LAPTM4B: variants seen among roughly 807,000 people sequenced by gnomAD.
The protein encoded by LAPTM4B is lysosomal-associated transmembrane protein 4B.
Under a neutral mutation model 28.5 loss-of-function variants are expected in LAPTM4B, and 26 were observed. The ratio of observed to expected loss-of-function variants is 0.91; its 90% CI spans 0.67 to 1.27. The LOEUF is 1.27. Ranked by LOEUF, LAPTM4B falls within the 50% of genes most tolerant of loss-of-function variation. The pLI is 0.00. For missense variants in LAPTM4B, 288 were observed against 285.8 expected, an observed-to-expected ratio of 1.01 and a Z score of -0.06; for synonymous variants, 109 against 106.4, an observed-to-expected ratio of 1.02 and a Z score of -0.15.
At chr8:97,789,019 T>G (rs1254835422) in intron 1 of LAPTM4B, among the ~76,000 whole-genome samples, 1 of 150,666 alleles carries the variant, frequency 6.6e-6, no homozygotes, top group Non-Finnish European at 1.5e-5. Context: ...TTGGAAAACA[T>G]CTTCATTTGG....
chr8:97,775,912 G>GGCGGAGGAGCCGGCAGCA lies in LAPTM4B; in HGVS notation c.-93_-76dup. On this transcript the variant is annotated 5_prime_UTR_variant, in exon 1 of 7. Transcript: ENST00000521545. Reference sequence around the variant, plus strand: ...GGGCGAGCGGGCCGGGAGCCGGAGCGGCGGAGGAGCCGGCAGCAGCGGCGC... The same window carrying GGCGGAGGAGCCGGCAGCA: ...GGGCGAGCGGGCCGGGAGCCGGAGCGGCGGAGGAGCCGGCAGCAGCGGAGGAGCCGGCAGCAGCGGCGC... The GGCGGAGGAGCCGGCAGCA allele has an allele frequency of 1.4e-6, 2 of 1,454,810 alleles. No individual in the cohort carries two copies. The highest frequency in any genetic ancestry group is 1.8e-6 in the Non-Finnish European group (2 of 1,112,170). The allele number at this position is 1,454,810 out of a possible 1,614,324, so 90.1% of individuals were successfully genotyped here.
At chr8:97,804,318 C>T (rs1816728466) in intron 1 of LAPTM4B, among the ~76,000 whole-genome samples, 1 of 152,118 alleles carries the variant, frequency 6.6e-6, no homozygotes, top group African/African-American at 2.4e-5. Flanking sequence ...CCAGCAGTGA[C>T]AGGAAGAATA....
chr8:97,845,437 T>C (rs1236267719), intron 6 of LAPTM4B, among the ~76,000 whole-genome samples: 2 of 152,044 alleles, frequency 1.3e-5, no homozygotes, highest in Non-Finnish European at 1.5e-5. Flanking sequence ...AATAATGCTA[T>C]TTTCCAAAGG....
At chr8:97,801,306 G>A (rs1403003781) in intron 1 of LAPTM4B, among the ~76,000 whole-genome samples, 1 of 151,472 alleles carries the variant, frequency 6.6e-6, no homozygotes, top group Admixed American at 6.6e-5. Context: ...CTTGGCCTCC[G>A]GAGCAGCTGG....
At chr8:97,808,870 A>G (rs1368259724) in intron 2 of LAPTM4B, among the ~76,000 whole-genome samples, 1 of 152,062 alleles carries the variant, frequency 6.6e-6, no homozygotes, top group Admixed American at 6.5e-5. Flanking sequence ...CTGAGGCAGG[A>G]GAATCGCTTT....
At chr8:97,815,609 C>T (rs895216818) in intron 3 of LAPTM4B, among the ~76,000 whole-genome samples, 19 of 151,976 alleles carry the variant, frequency 1.3e-4, no homozygotes, top group African/African-American at 4.6e-4. Flanking sequence ...CTCTGTCACA[C>T]AGGCTGGAGT....
intron 5 of LAPTM4B, among the ~76,000 whole-genome samples, chr8:97,822,702 A>T (rs539798686): frequency 3.3e-5 from 5 of 152,208 alleles, no homozygotes; most frequent in South Asian, 2.1e-4. Context: ...TTAATTTTTT[A>T]AAAAAATTTT....
chr8:97,781,278 CTTTTTTTTTTTT>C (rs71271147), intron 1 of LAPTM4B, among the ~76,000 whole-genome samples: 1 of 50,820 alleles, frequency 2.0e-5, no homozygotes, highest in Non-Finnish European at 3.1e-5. Flanking sequence ...TGTGCCCGGC[CTTTTTTTTTTTT>C]TTTTTTTTTG....
At chr8:97,829,207 A>G (rs954039432) in intron 6 of LAPTM4B, among the ~76,000 whole-genome samples, 1 of 152,160 alleles carries the variant, frequency 6.6e-6, no homozygotes, top group Non-Finnish European at 1.5e-5. Context: ...TTCATGGTGT[A>G]TAAGAAAGCG....
chr8:97,803,198 C>CAA (rs35115865), intron 1 of LAPTM4B, among the ~76,000 whole-genome samples: 2 of 146,954 alleles, frequency 1.4e-5, no homozygotes, highest in African/African-American at 5.0e-5. Flanking sequence ...GACTCCGTCT[C>CAA]AAAAAAAAAA....
rs1444206568 is a variant in LAPTM4B at position 97,825,084 on chromosome 8, C to T, written c.534C>T (p.Asn178=). ...GTTACTTGATTAGCTGTGTTTGGAA[C>T]TGCTACCGATACATCAATGGTAGGA... is the stretch of plus-strand genomic sequence containing the variant. ...FKGYLISCVW[N]CYRYINGRNS... Residue 178 remains asparagine, a synonymous_variant, in exon 6 of 7, where the codon AAC becomes AAT. Transcript: ENST00000521545. 6.2e-7 allele frequency: 1 copy of T among 1,610,496 alleles called. No individual in the cohort carries two copies. Among genetic ancestry groups the T allele is most frequent in the Non-Finnish European group, 8.5e-7 (1 of 1,176,950 alleles).
intron 1 of LAPTM4B, among the ~76,000 whole-genome samples, chr8:97,799,104 C>A (rs1816634624): frequency 6.6e-6 from 1 of 152,144 alleles, no homozygotes; most frequent in South Asian, 2.1e-4. Flanking sequence ...GGGGTTCCAA[C>A]CTTGGCTCTC....
intron 5 of LAPTM4B, among the ~76,000 whole-genome samples, chr8:97,823,325 A>G (rs1395814154): frequency 2.0e-5 from 3 of 150,056 alleles, no homozygotes; most frequent in Non-Finnish European, 3.0e-5. Flanking sequence ...CCATGCGAAT[A>G]CAATCATCAT....
In LAPTM4B at chr8:97,775,874, C is replaced by A; in HGVS notation, c.-136C>A. ...GCTCTCGGGGTATCGAGGAGGCAGG[C>A]CCGCGGGCGCACGGGCGAGCGGGCC... On this transcript the variant is annotated 5_prime_UTR_variant, in exon 1 of 7. Transcript: ENST00000521545. 12 of 1,498,860 alleles carry A rather than the reference C, an allele frequency of 8.0e-6. No homozygotes were observed. Among genetic ancestry groups the A allele is most frequent in the Non-Finnish European group, 1.1e-5 (12 of 1,129,946 alleles). The allele number at this position is 1,498,860 out of a possible 1,614,324, so 92.8% of individuals were successfully genotyped here. A position where few individuals can be genotyped will look rare whatever the true frequency, so the allele number is the denominator to read the frequency against.
chr8:97,834,154 A>AAAAAAAAAAAAAAAAAAAAAAAAAAAAC (rs1817226278), intron 6 of LAPTM4B, among the ~76,000 whole-genome samples: 1 of 149,708 alleles, frequency 6.7e-6, no homozygotes, highest in South Asian at 2.1e-4. Flanking sequence ...GAAAAAAAAA[A>AAAAAAAAAAAAAAAAAAAAAAAAAAAAC]AAAATCCAGG....
intron 1 of LAPTM4B, among the ~76,000 whole-genome samples, chr8:97,803,894 C>T (rs1816724453): frequency 6.6e-6 from 1 of 152,162 alleles, no homozygotes; most frequent in African/African-American, 2.4e-5. Context: ...CTTCCCACCT[C>T]AGCCTCCCAA....
At chr8:97,779,613 C>T (rs988122508) in intron 1 of LAPTM4B, among the ~76,000 whole-genome samples, 3 of 151,038 alleles carry the variant, frequency 2.0e-5, no homozygotes, top group Non-Finnish European at 3.0e-5. Flanking sequence ...GGCAAGATCC[C>T]GTCTCTAATA....
chr8:97,776,581 G>T (rs1050063345), intron 1 of LAPTM4B, among the ~76,000 whole-genome samples: 2 of 152,198 alleles, frequency 1.3e-5, no homozygotes, highest in South Asian at 2.1e-4. Context: ...GTCAATGCTC[G>T]TTCTCCCTGG....
intron 5 of LAPTM4B, among the ~76,000 whole-genome samples, 189 bp from the exon 6 acceptor site, chr8:97,824,869 C>G (rs1487968276): frequency 6.6e-6 from 1 of 151,598 alleles, no homozygotes; most frequent in African/African-American, 2.4e-5. Flanking sequence ...TCCAGTAGCA[C>G]ATTGTGCCAA....
Sources: gnomAD v4.1 joint callset for allele counts (sites outside exome capture counted in the v4.1 genomes callset) on GRCh38, gnomAD v4.1.1 for gene constraint, MANE v1.5 for transcripts, NCBI Gene and HGNC (gene_info 2026-07-23, HGNC 2026-07-21) for gene names.